Variants in SERPINB12 observed in about 807,000 individuals in gnomAD.
The protein encoded by SERPINB12 is serpin family B member 12.
SERPINB12 carries 57 observed loss-of-function variants against 41.1 expected under a neutral mutation model. That is an observed-to-expected ratio of 1.39 (90% CI 1.12 to 1.73). The LOEUF (loss-of-function observed/expected upper bound fraction) is 1.73. Ranked by LOEUF, SERPINB12 falls within the 40% of genes most tolerant of loss-of-function variation. The pLI, the probability that SERPINB12 is intolerant of heterozygous loss-of-function variation, is 0.00. For synonymous variants in SERPINB12, 180 were observed against 181.3 expected (o/e 0.99, Z 0.06); for missense variants, 536 against 501.9 (o/e 1.07, Z -0.65).
In SERPINB12 at chr18:63,559,600, G is replaced by C. The variant is rs751906451; in HGVS notation, c.326G>C (p.Ser109Thr). ...TAGGCTGGGTCCTTAAACAATGAGA[G>C]CGGACTGGTCAGCTGCTACTTTGGG... is the stretch of plus-strand genomic sequence containing the variant. Reference protein sequence around the residue: ...DQQAGSLNNESGLVSCYFGQL... With the variant: ...DQQAGSLNNETGLVSCYFGQL... Residue 109 changes from serine (S) to threonine (T), a missense_variant, in exon 4 of 8, where the codon AGC (serine) becomes ACC (threonine). Physicochemically the swap from Ser to Thr is moderately conservative, Grantham distance 58. Coordinates refer to ENST00000382768, the MANE Select transcript of SERPINB12 (RefSeq NM_001307928.2). The C allele has an allele frequency of 1.2e-6, 2 of 1,614,134 alleles. No homozygotes were observed. Among genetic ancestry groups the C allele is most frequent in the Middle Eastern group, 3.3e-4 (2 of 6,062 alleles).
chr18:63,539,017 C>T (rs1184347459), upstream of SERPINB12, among the ~76,000 whole-genome samples: 1 of 152,048 alleles, frequency 6.6e-6, no homozygotes, highest in Non-Finnish European at 1.5e-5. Context: ...GAAAATTTCC[C>T]CTTTGTTTCT....
chr18:63,562,937 A>G (rs955321081), intron 5 of SERPINB12, among the ~76,000 whole-genome samples: 2 of 152,144 alleles, frequency 1.3e-5, no homozygotes, highest in African/African-American at 4.8e-5. Context: ...AAGGTGGGAT[A>G]TTGCCCGCTA....
chr18:63,547,503 A>G (rs567676408), intron 1 of SERPINB12, among the ~76,000 whole-genome samples: 4 of 152,278 alleles, frequency 2.6e-5, no homozygotes, highest in Non-Finnish European at 2.9e-5. Context: ...CTATTTGTGT[A>G]AAGTTTGAAT....
At chr18:63,528,985 GTAGA>G in the SERPINB12 span, among the ~76,000 whole-genome samples, 43 of 152,196 alleles carry the variant, frequency 2.8e-4, no homozygotes, top group Non-Finnish European at 5.6e-4. Context: ...ACTCCTGGAA[GTAGA>G]TAGTGCAAAG....
chr18:63,555,110 A>G (rs1209403329), intron 1 of SERPINB12, among the ~76,000 whole-genome samples: 2 of 152,168 alleles, frequency 1.3e-5, no homozygotes, highest in African/African-American at 4.8e-5. Context: ...AGTCTCTGGT[A>G]TTCTTTGTAG....
the SERPINB12 span, among the ~76,000 whole-genome samples, chr18:63,520,165 C>T: frequency 5.9e-5 from 9 of 152,166 alleles, no homozygotes; most frequent in South Asian, 2.1e-4. Flanking sequence ...CTTTTCCTTT[C>T]GGTTGGGCCT....
rs1911116738 is a variant in SERPINB12, at chr18:63,566,782, T to C, written c.1049T>C (p.Leu350Pro). 1 of 1,614,030 alleles carries C rather than the reference T, an allele frequency of 6.2e-7. No individual in the cohort carries two copies. The highest frequency in any genetic ancestry group is 1.3e-5 in the African/African-American group (1 of 74,914). The change falls in exon 8 of 8, where the codon CTT becomes CCT. Residue 350 changes from leucine to proline, a missense_variant. Leu to Pro is a moderately conservative substitution (Grantham distance 98). Coordinates refer to ENST00000382768, the MANE Select transcript of SERPINB12 (RefSeq NM_001307928.2). ...ATCTTTGATGAAACGAGGGCTGATC[T>C]TACTGGAATCTCTCCAAGTCCCAAT... ...TDIFDETRAD[L>P]TGISPSPNLY...
At chr18:63,534,299 C>CAAAAA in the SERPINB12 span, among the ~76,000 whole-genome samples, 1 of 151,996 alleles carries the variant, frequency 6.6e-6, no homozygotes, top group African/African-American at 2.4e-5. Context: ...AAAAACAAAA[C>CAAAAA]AAAACAAAAC....
chr18:63,545,877 G>T (rs1254380934), intron 1 of SERPINB12, among the ~76,000 whole-genome samples: 1 of 151,420 alleles, frequency 6.6e-6, no homozygotes, highest in East Asian at 1.9e-4. Flanking sequence ...TTTTGTGGAA[G>T]AATTTAGAAA....
At chr18:63,559,844 C>T (rs764385156) in intron 4 of SERPINB12, 126 bp downstream of exon 4, 4 of 933,296 alleles carry the variant, frequency 4.3e-6, no homozygotes, top group Non-Finnish European at 6.5e-6. Flanking sequence ...GCGCTGTGGA[C>T]TGGTGAGGTG....
At chr18:63,545,257 A>T (rs915354356) in intron 1 of SERPINB12, among the ~76,000 whole-genome samples, 7 of 151,062 alleles carry the variant, frequency 4.6e-5, no homozygotes, top group Admixed American at 2.0e-4. Context: ...CTGTCAGGCT[A>T]GTTGACCTCC....
chr18:63,536,411 A>G, the SERPINB12 span, among the ~76,000 whole-genome samples: 1 of 152,138 alleles, frequency 6.6e-6, no homozygotes, highest in Admixed American at 6.6e-5. Context: ...CAGAAAAAGA[A>G]ATAACCTACA....
At chr18:63,559,869 C>A in intron 4 of SERPINB12, 151 bp downstream of exon 4, 1 of 701,962 alleles carries the variant, frequency 1.4e-6, no homozygotes, top group Non-Finnish European at 2.3e-6. Flanking sequence ...GGACCTCCCT[C>A]TTTCAGTCCC....
chr18:63,537,657 G>A (rs966845841), upstream of SERPINB12, among the ~76,000 whole-genome samples: 18 of 152,140 alleles, frequency 1.2e-4, no homozygotes, highest in African/African-American at 4.1e-4. Context: ...GACTTTCTAG[G>A]GAGGCAACTA....
the SERPINB12 span, among the ~76,000 whole-genome samples, chr18:63,524,075 G>T: frequency 1.3e-5 from 2 of 151,972 alleles, no homozygotes; most frequent in Non-Finnish European, 2.9e-5. Flanking sequence ...ACAAGAAGAT[G>T]TTGCAGTTCA....
At chr18:63,525,474 C>T in the SERPINB12 span, among the ~76,000 whole-genome samples, 1 of 152,008 alleles carries the variant, frequency 6.6e-6, no homozygotes, top group Non-Finnish European at 1.5e-5. Context: ...TAATAGTTAA[C>T]AATTTTATTA....
chr18:63,548,896 A>G (rs1046370530), intron 1 of SERPINB12, among the ~76,000 whole-genome samples: 1 of 152,132 alleles, frequency 6.6e-6, no homozygotes, highest in Admixed American at 6.5e-5. Flanking sequence ...TATTTGACCT[A>G]GAAATCCCAT....
At chr18:63,562,784 A>G (rs941514533) in intron 5 of SERPINB12, among the ~76,000 whole-genome samples, 2 of 152,214 alleles carry the variant, frequency 1.3e-5, no homozygotes, top group Non-Finnish European at 2.9e-5. Context: ...AAAATTTGAA[A>G]TGTAGATGAT....
rs74887610 is a variant in SERPINB12, at chr18:63,559,740, A to T, written c.444+22A>T. 4.1e-3 allele frequency: 6,682 copies of T among 1,612,838 alleles called. 244 individuals are homozygous for T. The African/African-American group carries it at 0.076, about 18-fold the overall frequency. ...TCAGGTGAGTTGCACACGAATGGTG[A>T]CTAAAGCTACCATGTAGCATACTAT... On this transcript the variant is annotated intron_variant, in intron 4 of 7. Transcript: ENST00000382768.
Sources: gnomAD v4.1 joint callset for allele counts (sites outside exome capture counted in the v4.1 genomes callset) on GRCh38, gnomAD v4.1.1 for gene constraint, MANE v1.5 for transcripts, NCBI Gene and HGNC (gene_info 2026-07-23, HGNC 2026-07-21) for gene names.